The following NAA20 variants were observed in gnomAD, a reference collection of about 807,000 sequenced individuals.
The protein encoded by NAA20 is N-alpha-acetyltransferase 20, NatB catalytic subunit.
NAA20 carries 24 observed loss-of-function variants against 23.8 expected under a neutral mutation model. The observed-to-expected ratio is 1.01, with a 90% CI of 0.73 to 1.42. The LOEUF is 1.42. Ranked by LOEUF, NAA20 falls within the 40% of genes most tolerant of loss-of-function variation. The pLI is 0.00. For synonymous variants in NAA20, 83 were observed against 77.7 expected, an observed-to-expected ratio of 1.07 and a Z score of -0.36; for missense variants, 166 against 223.1, an observed-to-expected ratio of 0.74 and a Z score of 1.63.
intron 2 of NAA20, among the ~76,000 whole-genome samples, chr20:20,023,089 G>A (rs1327663226): frequency 6.6e-6 from 1 of 152,138 alleles, no homozygotes; most frequent in African/African-American, 2.4e-5. Flanking sequence ...TTCAAGACCA[G>A]CCTGGCCAAC....
intron 2 of NAA20, among the ~76,000 whole-genome samples, chr20:20,024,030 A>G (rs1336871339): frequency 6.6e-6 from 1 of 152,226 alleles, no homozygotes; most frequent in Non-Finnish European, 1.5e-5. Context: ...TTATTGGGAC[A>G]CCACGCTGAT....
chr20:20,017,746 C>T (rs2043241317), intron 1 of NAA20: 4 of 1,432,128 alleles, frequency 2.8e-6, no homozygotes, highest in East Asian at 5.0e-5. Context: ...CGCTCGTGGT[C>T]GCTGTCAGGA....
intron 5 of NAA20, 105 bp downstream of exon 5, chr20:20,032,758 TA>T: frequency 7.3e-7 from 1 of 1,361,378 alleles, no homozygotes; most frequent in Non-Finnish European, 9.6e-7. Flanking sequence ...TATTTGACTT[TA>T]AAATTTAAAT....
At chr20:20,025,324 T>C (rs2043299690) in intron 2 of NAA20, among the ~76,000 whole-genome samples, 1 of 152,164 alleles carries the variant, frequency 6.6e-6, no homozygotes, top group Non-Finnish European at 1.5e-5. Flanking sequence ...ATGATATTCA[T>C]AGACTAAGAG....
intron 2 of NAA20, among the ~76,000 whole-genome samples, chr20:20,025,235 A>G (rs900744933): frequency 1.3e-5 from 2 of 152,240 alleles, no homozygotes; most frequent in Non-Finnish European, 2.9e-5. Flanking sequence ...GGAACTACCC[A>G]TTAATTTTTC....
At chr20:20,029,923 C>T (rs926498674) in intron 4 of NAA20, among the ~76,000 whole-genome samples, 6 of 151,674 alleles carry the variant, frequency 4.0e-5, no homozygotes, top group Non-Finnish European at 7.4e-5. Flanking sequence ...ACAACCATTG[C>T]AAAAACCATT....
chr20:20,017,937 G>C (rs895491775), intron 1 of NAA20: 1 of 1,612,198 alleles, frequency 6.2e-7, no homozygotes, highest in Non-Finnish European at 8.5e-7. Context: ...GCAGCTGTTG[G>C]GATGTGTACA....
intron 4 of NAA20, among the ~76,000 whole-genome samples, chr20:20,028,120 C>A (rs947899336): frequency 6.6e-6 from 1 of 152,070 alleles, no homozygotes; most frequent in Admixed American, 6.6e-5. Context: ...AAAAAGAAGT[C>A]GGTGCTAATC....
chr20:20,017,457 A>G lies in NAA20; in HGVS notation c.53+8A>G, dbSNP rs199503213. ...GTTCCGCTTCAACAACATGTGAGTG[A>G]CACGCGCCTAGGGCCAGCCGCTCTT... On this transcript the variant is annotated splice_region_variant and intron_variant, in intron 1 of 5. Coordinates refer to ENST00000334982, the MANE Select transcript of NAA20 (RefSeq NM_016100.5). 25 of 1,608,806 alleles carry G rather than the reference A, an allele frequency of 1.6e-5. No individual in the cohort carries two copies. In the East Asian group the frequency reaches 5.4e-4, roughly 35 times the overall value.
intron 1 of NAA20, chr20:20,017,652 G>A (rs1286082867): frequency 1.9e-5 from 26 of 1,358,322 alleles, no homozygotes; most frequent in Non-Finnish European, 2.4e-5. Context: ...GACGCACGCC[G>A]GCCTTGGCGA....
rs2043361613 is a variant in NAA20 at position 20,033,250 on chromosome 20, G to C, written c.*63G>C. The C allele has an allele frequency of 7.6e-7, 1 of 1,313,034 alleles. No homozygotes were observed. The allele number at this position is 1,313,034 out of a possible 1,614,324, so 81.3% of individuals were successfully genotyped here. On this transcript the variant is annotated 3_prime_UTR_variant, in exon 6 of 6. Transcript: ENST00000334982. The stretch of plus-strand genomic sequence containing the variant: ...TTTATGGACAATATTATTTTCATTG[G>C]ATGATTCTGGAGCTCTATTAGGAGA...
rs566287441 is a variant in NAA20, at chr20:20,031,308, A to C, written c.306-1200A>C. Among the ~76,000 whole-genome samples the C allele has an allele frequency of 5.3e-4, 81 of 152,336 alleles. 1 individual carries two copies. Among genetic ancestry groups the C allele is most frequent in the Non-Finnish European group, 9.7e-4 (66 of 68,026 alleles). The stretch of plus-strand genomic sequence containing the variant: ...GAATATATGGACTTTAACATACCAC[A>C]GAAGAGGCATTGCACATCAATAGTA... On this transcript the variant is annotated intron_variant, in intron 4 of 5. Coordinates refer to ENST00000334982, the MANE Select transcript of NAA20 (RefSeq NM_016100.5).
At chr20:20,025,590 T>G (rs1324148989) in intron 2 of NAA20, 87 bp from the exon 3 acceptor site, 1 of 954,604 alleles carries the variant, frequency 1.0e-6, no homozygotes. Flanking sequence ...AACAGTATAC[T>G]TTTTAAAGGA....
At chr20:20,017,516 G>A in intron 1 of NAA20, 67 bp downstream of exon 1, 1 of 1,546,164 alleles carries the variant, frequency 6.5e-7, no homozygotes, top group Non-Finnish European at 8.7e-7. Flanking sequence ...CGCCAGCTCC[G>A]GCCCCAGCCG....
At chr20:20,023,341 T>C (rs1001470346) in intron 2 of NAA20, among the ~76,000 whole-genome samples, 2 of 151,968 alleles carry the variant, frequency 1.3e-5, no homozygotes, top group African/African-American at 4.8e-5. Context: ...AGAGTACCTT[T>C]GGGAAATGCC....
chr20:20,019,669 C>G (rs569580289), intron 1 of NAA20, among the ~76,000 whole-genome samples: 17 of 152,308 alleles, frequency 1.1e-4, no homozygotes, highest in Admixed American at 1.0e-3. Context: ...GCTTTAGTCT[C>G]AAGCTCCCAG....
At chr20:20,022,858 C>T (rs1008008194) in intron 2 of NAA20, among the ~76,000 whole-genome samples, 4 of 152,202 alleles carry the variant, frequency 2.6e-5, no homozygotes, top group African/African-American at 9.6e-5. Flanking sequence ...TCCATGAAGA[C>T]ACCAACAGCC....
chr20:20,017,547 A>G, intron 1 of NAA20, 98 bp downstream of exon 1: 1 of 1,456,280 alleles, frequency 6.9e-7, no homozygotes, highest in Non-Finnish European at 9.1e-7. Flanking sequence ...GCCGGACCCC[A>G]AGCCCGGACG....
chr20:20,024,162 T>TTA (rs1325867820), intron 2 of NAA20, among the ~76,000 whole-genome samples: 1 of 152,194 alleles, frequency 6.6e-6, no homozygotes, highest in Non-Finnish European at 1.5e-5. Context: ...AACCCCTGAG[T>TTA]TATACCATTA....
Sources: allele counts gnomAD v4.1 joint callset (sites outside exome capture counted in the v4.1 genomes callset), GRCh38; gene constraint gnomAD v4.1.1; transcripts MANE v1.5; gene names NCBI Gene and HGNC (gene_info 2026-07-23, HGNC 2026-07-21).